Variants in MSRA observed in about 807,000 individuals in gnomAD.
MSRA encodes the protein mitochondrial peptide methionine sulfoxide reductase.
MSRA carries 54 observed loss-of-function variants against 31.3 expected under a neutral mutation model. That is an observed-to-expected ratio of 1.73 (90% CI 1.39 to 2.17). The LOEUF (loss-of-function observed/expected upper bound fraction) is 2.17. MSRA is among the 30% of genes most tolerant of loss of function. MSRA has a pLI of 0.00. For synonymous variants in MSRA, 169 were observed against 116.5 expected (o/e 1.45, Z -2.90); for missense variants, 507 against 300.9 (o/e 1.69, Z -5.07).
chr8:10,389,046 G>C (rs1355390918), intron 5 of MSRA, among the ~76,000 whole-genome samples: 2 of 152,106 alleles, frequency 1.3e-5, no homozygotes, highest in African/African-American at 4.8e-5. Context: ...AAGCTTGTGG[G>C]AGTTATTTAT....
chr8:10,346,043 G>A (rs1482296986), intron 5 of MSRA, among the ~76,000 whole-genome samples: 1 of 144,176 alleles, frequency 6.9e-6, no homozygotes, highest in African/African-American at 2.4e-5. Flanking sequence ...TCATTGTATT[G>A]TGTTTATGTG....
rs117106857 is a variant in MSRA, at chr8:10,376,606, G to T, written c.544-51542G>T. 5.4e-3 allele frequency among the ~76,000 whole-genome samples: 816 copies of T among 152,282 alleles called. 17 individuals carry two copies. The highest frequency in any genetic ancestry group is 6.2e-3 in the Non-Finnish European group (425 of 68,018). On this transcript the variant is annotated intron_variant, in intron 5 of 5. Transcript: ENST00000317173. ...CTCTTAGAATACTACCTGACACACA[G>T]TAAGTGCTTAATAAATAGTAGCCTC... is the stretch of plus-strand genomic sequence containing the variant.
At chr8:10,072,243 C>T (rs1797771472) in intron 1 of MSRA, among the ~76,000 whole-genome samples, 1 of 151,848 alleles carries the variant, frequency 6.6e-6, no homozygotes, top group Non-Finnish European at 1.5e-5. Flanking sequence ...AGGCCCAGGG[C>T]CCATTCTTAG....
chr8:10,083,041 AT>A (rs1286869873), intron 1 of MSRA, among the ~76,000 whole-genome samples: 3 of 152,232 alleles, frequency 2.0e-5, no homozygotes, highest in Non-Finnish European at 4.4e-5. Context: ...CTGGGGGTGC[AT>A]TTATCAAGAA....
At chr8:10,143,679 A>T (rs1053444681) in intron 1 of MSRA, among the ~76,000 whole-genome samples, 7 of 152,176 alleles carry the variant, frequency 4.6e-5, no homozygotes, top group South Asian at 2.1e-4. Flanking sequence ...GGCTCCTCTG[A>T]TATCTACCCT....
chr8:10,234,774 A>T (rs1811812434), intron 2 of MSRA, among the ~76,000 whole-genome samples: 1 of 152,118 alleles, frequency 6.6e-6, no homozygotes, highest in African/African-American at 2.4e-5. Flanking sequence ...AATACAAAAA[A>T]GGTAATGTAG....
intron 1 of MSRA, among the ~76,000 whole-genome samples, chr8:10,154,449 C>G (rs939438266): frequency 2.0e-5 from 3 of 152,086 alleles, no homozygotes; most frequent in Non-Finnish European, 4.4e-5. Context: ...ACAATCTCGG[C>G]TCACTGCAAG....
intron 5 of MSRA, among the ~76,000 whole-genome samples, chr8:10,360,518 T>C (rs1563392962): frequency 1.3e-5 from 2 of 152,164 alleles, no homozygotes; most frequent in Admixed American, 1.3e-4. Context: ...GCTGCCATCA[T>C]CCCAGAGCCC....
intron 5 of MSRA, among the ~76,000 whole-genome samples, chr8:10,355,658 G>C (rs1804464223): frequency 6.6e-6 from 1 of 152,170 alleles, no homozygotes; most frequent in Admixed American, 6.5e-5. Flanking sequence ...TAAAGTGGTA[G>C]CTTCTGAATG....
intron 5 of MSRA, among the ~76,000 whole-genome samples, chr8:10,366,980 C>G (rs183568187): frequency 1.3e-5 from 2 of 152,280 alleles, no homozygotes; most frequent in East Asian, 3.9e-4. Flanking sequence ...TCCGCCGTTT[C>G]GCTTTCTGTG....
intron 1 of MSRA, among the ~76,000 whole-genome samples, chr8:10,163,901 C>T (rs1804888624): frequency 6.6e-6 from 1 of 152,240 alleles, no homozygotes; most frequent in Non-Finnish European, 1.5e-5. Flanking sequence ...TGCTGGCCCA[C>T]AGCTGAACAT....
intron 3 of MSRA, among the ~76,000 whole-genome samples, chr8:10,269,404 G>A (rs557604830): frequency 6.6e-6 from 1 of 152,314 alleles, no homozygotes; most frequent in Non-Finnish European, 1.5e-5. Context: ...CCTACTTATG[G>A]AAGAAACAAC....
At chr8:10,378,933 C>T (rs1024067504) in intron 5 of MSRA, among the ~76,000 whole-genome samples, 1 of 152,212 alleles carries the variant, frequency 6.6e-6, no homozygotes, top group Non-Finnish European at 1.5e-5. Flanking sequence ...AAAAATCACC[C>T]ACAGCCCTAC....
chr8:10,235,072 A>T (rs764694243), intron 2 of MSRA, among the ~76,000 whole-genome samples: 1 of 152,096 alleles, frequency 6.6e-6, no homozygotes, highest in Non-Finnish European at 1.5e-5. Flanking sequence ...AAGCTTGTCC[A>T]TAAATGTCTG....
chr8:10,384,042 C>T (rs1341822253), intron 5 of MSRA, among the ~76,000 whole-genome samples: 1 of 152,100 alleles, frequency 6.6e-6, no homozygotes, highest in African/African-American at 2.4e-5. Context: ...TCTGGAGCCC[C>T]CTTGCTCTGT....
At chr8:10,333,495 T>TG (rs1219698806) in intron 5 of MSRA, among the ~76,000 whole-genome samples, 1 of 152,168 alleles carries the variant, frequency 6.6e-6, no homozygotes, top group Non-Finnish European at 1.5e-5. Context: ...AGGTCCCCGA[T>TG]GACTTGGGCA....
chr8:10,163,386 C>T (rs1457075392), intron 1 of MSRA, among the ~76,000 whole-genome samples: 1 of 152,176 alleles, frequency 6.6e-6, no homozygotes, highest in Non-Finnish European at 1.5e-5. Context: ...TTATGGGCTG[C>T]TATGAGAAGG....
chr8:10,264,638 A>G (rs1226739711), intron 3 of MSRA, among the ~76,000 whole-genome samples: 1 of 152,126 alleles, frequency 6.6e-6, no homozygotes, highest in Non-Finnish European at 1.5e-5. Context: ...GGGCATGATG[A>G]GGGAGATGCT....
chr8:10,360,235 T>C (rs148577675), intron 5 of MSRA, among the ~76,000 whole-genome samples: 1 of 152,298 alleles, frequency 6.6e-6, no homozygotes, highest in East Asian at 1.9e-4. Context: ...GCTTGTTGGA[T>C]ATTTTGGTGT....
Sources: allele counts gnomAD v4.1 joint callset (sites outside exome capture counted in the v4.1 genomes callset), GRCh38; gene constraint gnomAD v4.1.1; transcripts MANE v1.5; gene names NCBI Gene and HGNC (gene_info 2026-07-23, HGNC 2026-07-21).